The following FRMD4B variants were observed in gnomAD, a reference collection of about 807,000 sequenced individuals.
The protein encoded by FRMD4B is FERM domain-containing protein 4B.
A neutral mutation model predicts 141.5 loss-of-function variants in FRMD4B; 74 were observed. That is an observed-to-expected ratio of 0.52 (90% CI 0.43 to 0.63). FRMD4B has a LOEUF of 0.63. Among genes scored for constraint, FRMD4B ranks in the 30% least tolerant of loss-of-function variants. The pLI, the probability that FRMD4B is intolerant of heterozygous loss-of-function variation, is 0.00. For synonymous variants in FRMD4B, 506 were observed against 467.9 expected (o/e 1.08, Z -1.05); for missense variants, 1,366 against 1,253.4 (o/e 1.09, Z -1.36).
intron 1 of FRMD4B, among the ~76,000 whole-genome samples, chr3:69,480,195 C>T (rs199806328): frequency 6.6e-5 from 10 of 150,640 alleles, no homozygotes; most frequent in Admixed American, 2.0e-4. Flanking sequence ...CTGAAGCCTT[C>T]TTCTCTCAAC....
At chr3:69,455,499 C>G (rs1418561318) in intron 1 of FRMD4B, among the ~76,000 whole-genome samples, 1 of 152,264 alleles carries the variant, frequency 6.6e-6, no homozygotes, top group South Asian at 2.1e-4. Flanking sequence ...CCGTGAAGGT[C>G]TGCAGCTTCC....
chr3:69,377,660 T>C lies in FRMD4B; in HGVS notation c.162+8168A>G, dbSNP rs553780123. 2.1e-4 allele frequency among the ~76,000 whole-genome samples: 32 copies of C among 152,178 alleles called. No individual in the cohort carries two copies. In the South Asian group the frequency reaches 6.2e-3, roughly 30 times the overall value. ...CTTTTCAAGGGTAGCCCATCTCCAA[T>C]AATGGGTTAATGAAGGTGGGGAGAA... On this transcript the variant is annotated intron_variant, in intron 1 of 22. Transcript: ENST00000398540.
chr3:69,524,772 T>C (rs895658281), intron 1 of FRMD4B, among the ~76,000 whole-genome samples: 12 of 152,238 alleles, frequency 7.9e-5, no homozygotes, highest in Admixed American at 5.2e-4. Context: ...CTCACAGTCC[T>C]TTAGGCAGAG....
At chr3:69,201,270 C>A (rs533175671) in intron 11 of FRMD4B, among the ~76,000 whole-genome samples, 1 of 151,200 alleles carries the variant, frequency 6.6e-6, no homozygotes, top group Admixed American at 6.6e-5. Context: ...CTTCTGGGGG[C>A]AGATGGTATG....
chr3:69,365,885 T>A (rs1380524444), intron 1 of FRMD4B, among the ~76,000 whole-genome samples: 2 of 152,182 alleles, frequency 1.3e-5, no homozygotes, highest in East Asian at 3.9e-4. Flanking sequence ...CCACAAATGT[T>A]TTATGTATAA....
intron 19 of FRMD4B, among the ~76,000 whole-genome samples, chr3:69,184,254 G>C (rs1391887535): frequency 6.6e-6 from 1 of 152,018 alleles, no homozygotes; most frequent in Admixed American, 6.6e-5. Flanking sequence ...AATGTTTTCA[G>C]ATTATTTTTC....
Position 69,325,024 on chromosome 3 carries a change from A to G in FRMD4B, c.163-11507T>C, listed in dbSNP as rs74618754. Among the ~76,000 whole-genome samples the G allele has an allele frequency of 8.1e-3, 1,220 of 150,750 alleles. 25 individuals carry two copies. Among genetic ancestry groups the G allele is most frequent in the African/African-American group, 0.028 (1,141 of 40,946 alleles). On this transcript the variant is annotated intron_variant, in intron 1 of 22. Transcript: ENST00000398540. ...AGCCCAGGTGTTTCGAGTTGCAGTG[A>G]GCCATAACTGTGCCACTGTACTCCA...
intron 4 of FRMD4B, 101 bp downstream of exon 4, chr3:69,302,242 C>G (rs1701240025): frequency 5.8e-6 from 4 of 695,618 alleles, no homozygotes; most frequent in Non-Finnish European, 7.9e-6. Flanking sequence ...TATTTGCTAT[C>G]TCTAATCACC....
At chr3:69,355,714 G>A (rs1375485583) in intron 1 of FRMD4B, among the ~76,000 whole-genome samples, 1 of 152,014 alleles carries the variant, frequency 6.6e-6, no homozygotes, top group Non-Finnish European at 1.5e-5. Context: ...ACATAGAGAT[G>A]GAGTCTACCA....
intron 2 of FRMD4B, among the ~76,000 whole-genome samples, chr3:69,398,217 T>C (rs889558427): frequency 6.6e-6 from 1 of 152,202 alleles, no homozygotes; most frequent in Non-Finnish European, 1.5e-5. Flanking sequence ...AGGAGGTTTT[T>C]CTTTCTGTTT....
At chr3:69,281,451 T>C (rs1230373944) in intron 5 of FRMD4B, among the ~76,000 whole-genome samples, 1 of 152,172 alleles carries the variant, frequency 6.6e-6, no homozygotes, top group Non-Finnish European at 1.5e-5. Flanking sequence ...GGGAAACAAG[T>C]GTTATCAGCA....
At chr3:69,536,526 C>T (rs1316489743) in intron 1 of FRMD4B, 10 of 697,960 alleles carry the variant, frequency 1.4e-5, no homozygotes, top group African/African-American at 1.8e-5. Flanking sequence ...CCTCTACCAC[C>T]GTGCGGGGGG....
chr3:69,516,200 G>A (rs1029427055), intron 1 of FRMD4B, among the ~76,000 whole-genome samples: 2 of 151,908 alleles, frequency 1.3e-5, no homozygotes, highest in Non-Finnish European at 2.9e-5. Flanking sequence ...ACTCTACTGT[G>A]GGCAACACAG....
rs1703977928 is a variant in FRMD4B at position 69,376,607 on chromosome 3, A to G, written c.162+9221T>C. ...AAAAAGGACATTAGGGGAAAATGGG[A>G]CTATTTAATTTACCATATTTGCTAG... On this transcript the variant is annotated intron_variant, in intron 1 of 22. Coordinates refer to ENST00000398540, the MANE Select transcript of FRMD4B (RefSeq NM_015123.3). 2.0e-5 allele frequency among the ~76,000 whole-genome samples: 3 copies of G among 151,864 alleles called. No individual in the cohort carries two copies. The South Asian group carries it at 6.2e-4, about 32-fold the overall frequency.
chr3:69,434,763 A>T (rs998812113), intron 1 of FRMD4B, among the ~76,000 whole-genome samples: 2 of 152,224 alleles, frequency 1.3e-5, no homozygotes, highest in Admixed American at 6.5e-5. Flanking sequence ...AGAAATGTTA[A>T]GATCTCAATG....
intron 11 of FRMD4B, among the ~76,000 whole-genome samples, chr3:69,208,486 A>G (rs2107696957): frequency 6.8e-6 from 1 of 148,132 alleles, no homozygotes; most frequent in East Asian, 1.9e-4. Flanking sequence ...AGGCTGAGCC[A>G]CTGCAACCAG....
intron 1 of FRMD4B, among the ~76,000 whole-genome samples, chr3:69,437,078 T>C (rs1170652765): frequency 1.3e-5 from 2 of 152,088 alleles, no homozygotes; most frequent in African/African-American, 4.8e-5. Context: ...TTGTTCAACA[T>C]TGTGAATGCA....
chr3:69,449,566 T>A (rs983241656), intron 1 of FRMD4B, among the ~76,000 whole-genome samples: 6 of 152,154 alleles, frequency 3.9e-5, no homozygotes, highest in Non-Finnish European at 8.8e-5. Context: ...CTCTTACAGA[T>A]CATCCAGTCC....
At chr3:69,353,890 T>A (rs983746333) in intron 1 of FRMD4B, among the ~76,000 whole-genome samples, 2 of 152,218 alleles carry the variant, frequency 1.3e-5, no homozygotes, top group African/African-American at 4.8e-5. Flanking sequence ...TACAACACAT[T>A]TAAAACATAT....
Sources: allele counts gnomAD v4.1 joint callset (sites outside exome capture counted in the v4.1 genomes callset), GRCh38; gene constraint gnomAD v4.1.1; transcripts MANE v1.5; gene names NCBI Gene and HGNC (gene_info 2026-07-23, HGNC 2026-07-21).